The following DSE variants were observed in gnomAD, a reference collection of about 807,000 sequenced individuals.
DSE encodes dermatan sulfate epimerase.
Under a neutral mutation model 84.4 loss-of-function variants are expected in DSE, and 36 were observed. The ratio of observed to expected loss-of-function variants is 0.43; its 90% CI spans 0.33 to 0.56. DSE has a LOEUF of 0.56. Among genes scored for constraint, DSE ranks in the 20% least tolerant of loss-of-function variants. DSE has a pLI of 0.06. For missense variants in DSE, 862 were observed against 1,169.6 expected, an observed-to-expected ratio of 0.74 and a Z score of 3.84; for synonymous variants, 410 against 430.1, an observed-to-expected ratio of 0.95 and a Z score of 0.58.
chr6:116,256,519 G>A (rs1772149541), intron 1 of DSE: 1 of 152,130 alleles, frequency 6.6e-6, no homozygotes, highest in Non-Finnish European at 1.5e-5. Flanking sequence ...TGACCAAAAT[G>A]TTATGCAGCA....
At chr6:116,320,855 C>T (rs1338863398) in intron 2 of DSE, among the ~76,000 whole-genome samples, 1 of 152,158 alleles carries the variant, frequency 6.6e-6, no homozygotes, top group East Asian at 1.9e-4. Flanking sequence ...CTATATCCAA[C>T]TACACTTAAA....
chr6:116,427,970 C>CT (rs1783558378), intron 3 of DSE, among the ~76,000 whole-genome samples: 1 of 152,222 alleles, frequency 6.6e-6, no homozygotes, highest in South Asian at 2.1e-4. Flanking sequence ...GGGCGGATCA[C>CT]TTGAGGACAG....
rs1166943062 is a variant in DSE, at chr6:116,336,648, G to A, written c.-53-62550G>A. ...CGCATGCTTGTAGTCCCAGCTACTCGGGAGGCTGAGGCAGGAGAATTGCTT... is the reference window on the plus strand; with the variant it reads ...CGCATGCTTGTAGTCCCAGCTACTCAGGAGGCTGAGGCAGGAGAATTGCTT... On this transcript the variant is annotated intron_variant, in intron 2 of 3. Coordinates refer to the DSE transcript ENST00000430252. 3.3e-5 allele frequency among the ~76,000 whole-genome samples: 5 copies of A among 151,854 alleles called. No homozygotes were observed. In the South Asian group the frequency reaches 6.2e-4, roughly 19 times the overall value.
intron 2 of DSE, among the ~76,000 whole-genome samples, chr6:116,311,028 C>G (rs181257330): frequency 6.6e-6 from 1 of 152,200 alleles, no homozygotes; most frequent in Non-Finnish European, 1.5e-5. Context: ...TGCTCCTCCT[C>G]ATCTCAGCTC....
At chr6:116,333,879 A>G (rs1392081562) in intron 2 of DSE, among the ~76,000 whole-genome samples, 1 of 152,156 alleles carries the variant, frequency 6.6e-6, no homozygotes, top group African/African-American at 2.4e-5. Flanking sequence ...TTTACAAAAT[A>G]TTGCAATTCT....
intron 2 of DSE, among the ~76,000 whole-genome samples, chr6:116,320,372 A>AT (rs138306326): frequency 4.0e-5 from 6 of 151,052 alleles, no homozygotes; most frequent in Non-Finnish European, 7.4e-5. Flanking sequence ...GAATATGTCA[A>AT]TTTTTTTTTA....
At chr6:116,392,587 C>A (rs1780978626) in intron 1 of DSE, among the ~76,000 whole-genome samples, 1 of 152,140 alleles carries the variant, frequency 6.6e-6, no homozygotes, top group South Asian at 2.1e-4. Flanking sequence ...ATGATTACAA[C>A]TCAGTTTTTA....
rs1784264509 is a variant in DSE at position 116,437,566 on chromosome 6, G to A, written c.*221G>A. Reference sequence around the variant, plus strand: ...AGCTTGGTGGTCCTATGGTGTTTTTGGAAGTATTTGGCATTGCTAATTGAG... The same window carrying A: ...AGCTTGGTGGTCCTATGGTGTTTTTAGAAGTATTTGGCATTGCTAATTGAG... On this transcript the variant is annotated 3_prime_UTR_variant, in exon 6 of 6. Transcript: ENST00000644252. 2.1e-6 allele frequency: 1 copy of A among 480,784 alleles called. No homozygotes were observed. Among genetic ancestry groups the A allele is most frequent in the Admixed American group, 3.8e-5 (1 of 25,996 alleles). 29.8% of individuals were successfully genotyped at this position (480,784 alleles called of 1,614,324 possible).
chr6:116,257,809 G>A (rs543647177), intron 1 of DSE, among the ~76,000 whole-genome samples: 29 of 152,186 alleles, frequency 1.9e-4, no homozygotes, highest in South Asian at 1.5e-3. Flanking sequence ...GCCCCCCAGA[G>A]GACCCCAGCT....
intron 2 of DSE, among the ~76,000 whole-genome samples, chr6:116,306,655 C>A (rs1775363808): frequency 1.3e-5 from 2 of 152,182 alleles, no homozygotes. Flanking sequence ...TAGGCAGATA[C>A]AACTCTTCCC....
chr6:116,372,939 G>C (rs1045636512), intron 1 of DSE, among the ~76,000 whole-genome samples: 2 of 151,892 alleles, frequency 1.3e-5, no homozygotes, highest in African/African-American at 4.8e-5. Context: ...TCATTGACTA[G>C]TATATGACGT....
rs1027510968 is a variant in DSE at position 116,359,599 on chromosome 6, G to A, written c.-53-39599G>A. Among the ~76,000 whole-genome samples, 17 of 152,138 alleles carry A rather than the reference G, an allele frequency of 1.1e-4. 1 individual carries two copies. Among genetic ancestry groups the A allele is most frequent in the African/African-American group, 2.4e-4 (10 of 41,426 alleles). On this transcript the variant is annotated intron_variant, in intron 2 of 3. Coordinates refer to the DSE transcript ENST00000430252. ...TGTCTAGGTTTAAATTTCAGAGAACGACAGCTGATAGATCAGGGATAAATA... is the reference window on the plus strand; with the variant it reads ...TGTCTAGGTTTAAATTTCAGAGAACAACAGCTGATAGATCAGGGATAAATA...
chr6:116,273,376 G>A (rs1433282184), intron 2 of DSE, among the ~76,000 whole-genome samples: 3 of 152,126 alleles, frequency 2.0e-5, no homozygotes. Context: ...CTCTTCTATA[G>A]GTCTTGACAA....
chr6:116,266,797 T>G (rs904936742), intron 2 of DSE, among the ~76,000 whole-genome samples: 1 of 152,228 alleles, frequency 6.6e-6, no homozygotes, highest in Non-Finnish European at 1.5e-5. Context: ...CAATCAATAC[T>G]TTTAGAGCAG....
chr6:116,279,148 C>T, intron 2 of DSE: 1 of 1,613,928 alleles, frequency 6.2e-7, no homozygotes, highest in African/African-American at 1.3e-5. Context: ...AGGGTCCATG[C>T]GGAGAGCCTC....
intron 2 of DSE, among the ~76,000 whole-genome samples, chr6:116,326,713 CA>C (rs1173700093): frequency 2.0e-5 from 3 of 151,936 alleles, no homozygotes; most frequent in Admixed American, 1.3e-4. Flanking sequence ...TGCTGAGGTA[CA>C]AAGCATGAAT....
intron 2 of DSE, among the ~76,000 whole-genome samples, chr6:116,335,626 G>A (rs1377034458): frequency 2.0e-5 from 3 of 152,200 alleles, no homozygotes; most frequent in Admixed American, 2.0e-4. Context: ...GCTTTTATTT[G>A]TGATTCTAGA....
At chr6:116,343,991 C>T (rs1452185443) in intron 2 of DSE, among the ~76,000 whole-genome samples, 2 of 152,110 alleles carry the variant, frequency 1.3e-5, no homozygotes, top group African/African-American at 4.8e-5. Context: ...GTGATGCATG[C>T]ACAAGCTTCA....
chr6:116,274,249 T>A (rs542109590), intron 2 of DSE, among the ~76,000 whole-genome samples: 1 of 152,054 alleles, frequency 6.6e-6, no homozygotes, highest in Admixed American at 6.6e-5. Context: ...CTGAACATCA[T>A]GTACATTTGT....
Sources: gnomAD v4.1 joint callset for allele counts (sites outside exome capture counted in the v4.1 genomes callset) on GRCh38, gnomAD v4.1.1 for gene constraint, MANE v1.5 for transcripts, NCBI Gene and HGNC (gene_info 2026-07-23, HGNC 2026-07-21) for gene names.